Variants in ADCY2 observed in about 807,000 individuals in gnomAD.
ADCY2 encodes the protein adenylate cyclase 2, also known as adenylate cyclase type 2.
In ADCY2, 31 loss-of-function variants were observed where a neutral mutation model predicts 125.2. That is an observed-to-expected ratio of 0.25 (90% CI 0.19 to 0.33). The LOEUF (loss-of-function observed/expected upper bound fraction) is 0.33. Ranked by LOEUF, ADCY2 falls within the 10% of genes least tolerant of loss-of-function variation. The pLI, the probability that ADCY2 is intolerant of heterozygous loss-of-function variation, is 1.00. For synonymous variants in ADCY2, 512 were observed against 548.4 expected, an observed-to-expected ratio of 0.93 and a Z score of 0.93; for missense variants, 904 against 1,418.2, an observed-to-expected ratio of 0.64 and a Z score of 5.82.
chr5:7,658,757 G>A (rs877887), intron 4 of ADCY2, among the ~76,000 whole-genome samples: 20,011 of 152,158 alleles, frequency 0.13, 1,421 homozygotes, highest in South Asian at 0.19. Flanking sequence ...ATAGGGGCTG[G>A]CAATTCCAAA....
chr5:7,826,594 C>A lies in ADCY2; in HGVS notation c.3124-125C>A, dbSNP rs1195580406. 19 of 1,256,250 alleles carry A rather than the reference C, an allele frequency of 1.5e-5. 1 individual carries two copies. The highest frequency in any genetic ancestry group is 2.2e-5 in the Non-Finnish European group (19 of 857,980). The allele number at this position is 1,256,250 out of a possible 1,614,324, so 77.8% of individuals were successfully genotyped here. ...TGGATTACTCTCACTTTTCTACTAACTTCTCAGGAGTGGAATTCCTGGGTC... is the reference window on the plus strand; with the variant it reads ...TGGATTACTCTCACTTTTCTACTAAATTCTCAGGAGTGGAATTCCTGGGTC... On this transcript the variant is annotated intron_variant, in intron 24 of 24. Transcript: ENST00000338316.
At chr5:7,562,072 A>G (rs1390692953) in intron 3 of ADCY2, among the ~76,000 whole-genome samples, 1 of 152,056 alleles carries the variant, frequency 6.6e-6, no homozygotes, top group African/African-American at 2.4e-5. Flanking sequence ...GATTCCATGA[A>G]TGGGTTTATA....
intron 2 of ADCY2, among the ~76,000 whole-genome samples, chr5:7,419,872 T>G (rs1175299729): frequency 6.6e-6 from 1 of 152,106 alleles, no homozygotes; most frequent in Admixed American, 6.5e-5. Flanking sequence ...CTGTTCTGAG[T>G]GCTTCCCTTA....
At chr5:7,729,543 C>T (rs1488509480) in intron 14 of ADCY2, among the ~76,000 whole-genome samples, 1 of 151,046 alleles carries the variant, frequency 6.6e-6, no homozygotes, top group African/African-American at 2.4e-5. Context: ...CCTTGCTTTT[C>T]TTTGGTCCTT....
At chr5:7,699,384 A>C (rs1380265186) in intron 7 of ADCY2, among the ~76,000 whole-genome samples, 1 of 151,834 alleles carries the variant, frequency 6.6e-6, no homozygotes, top group Non-Finnish European at 1.5e-5. Flanking sequence ...GGCGTGAGCC[A>C]CCGCGCCCGG....
intron 22 of ADCY2, among the ~76,000 whole-genome samples, chr5:7,812,558 T>A (rs1411488507): frequency 2.6e-5 from 4 of 152,190 alleles, no homozygotes; most frequent in African/African-American, 7.2e-5. Flanking sequence ...GACCCAGGGA[T>A]GCAGGCTGAA....
intron 3 of ADCY2, among the ~76,000 whole-genome samples, chr5:7,542,396 C>A (rs1430048521): frequency 6.6e-6 from 1 of 152,036 alleles, no homozygotes; most frequent in Non-Finnish European, 1.5e-5. Context: ...GGCCATTGAG[C>A]CATTGCCAGT....
At chr5:7,553,838 C>G (rs1443387768) in intron 3 of ADCY2, among the ~76,000 whole-genome samples, 2 of 152,148 alleles carry the variant, frequency 1.3e-5, no homozygotes, top group African/African-American at 4.8e-5. Flanking sequence ...AGCACCTTAC[C>G]CAGGGTGTTC....
chr5:7,654,549 T>G (rs1739253925), intron 4 of ADCY2, among the ~76,000 whole-genome samples: 1 of 152,150 alleles, frequency 6.6e-6, no homozygotes, highest in African/African-American at 2.4e-5. Context: ...ACAGGAGGGA[T>G]GTAGTGACAT....
intron 14 of ADCY2, among the ~76,000 whole-genome samples, chr5:7,729,914 A>G (rs772468863): frequency 7.9e-5 from 12 of 151,644 alleles, no homozygotes; most frequent in Non-Finnish European, 1.3e-4. Flanking sequence ...CTTTTGGGAT[A>G]GAAGTGGTTT....
intron 3 of ADCY2, among the ~76,000 whole-genome samples, chr5:7,566,789 T>C (rs1405475893): frequency 2.6e-5 from 4 of 152,154 alleles, no homozygotes; most frequent in Admixed American, 6.5e-5. Flanking sequence ...TGTATGGTTG[T>C]CCACATGTTC....
intron 7 of ADCY2, among the ~76,000 whole-genome samples, chr5:7,698,927 G>A (rs1399172343): frequency 6.6e-6 from 1 of 151,886 alleles, no homozygotes; most frequent in Non-Finnish European, 1.5e-5. Flanking sequence ...TGGGTCAAAT[G>A]GTATTTCTAG....
intron 4 of ADCY2, among the ~76,000 whole-genome samples, chr5:7,638,108 G>A (rs1738571239): frequency 6.6e-6 from 1 of 152,176 alleles, no homozygotes; most frequent in Non-Finnish European, 1.5e-5. Flanking sequence ...TCGGGCACCT[G>A]GTGACTGAGC....
In ADCY2 at chr5:7,743,765, A is replaced by T; in HGVS notation, c.1956+13A>T. ...TGGACAGCTTCTGGTAGGTATTCAA[A>T]TGTGGCGCTTCTTTGAAAAGTATGC... On this transcript the variant is annotated intron_variant, in intron 15 of 24. Coordinates refer to ENST00000338316, the MANE Select transcript of ADCY2 (RefSeq NM_020546.3). 2 of 1,611,210 alleles carry T rather than the reference A, an allele frequency of 1.2e-6. No individual in the cohort carries two copies. Among genetic ancestry groups the T allele is most frequent in the East Asian group, 4.5e-5 (2 of 44,858 alleles).
intron 2 of ADCY2, among the ~76,000 whole-genome samples, chr5:7,472,847 G>T (rs1322745049): frequency 1.3e-5 from 2 of 152,110 alleles, no homozygotes; most frequent in Non-Finnish European, 2.9e-5. Context: ...ACTGGTTCCT[G>T]CTCCACTCTC....
At chr5:7,409,199 G>C (rs1579413349) in intron 1 of ADCY2, among the ~76,000 whole-genome samples, 1 of 152,234 alleles carries the variant, frequency 6.6e-6, no homozygotes, top group East Asian at 1.9e-4. Context: ...TGGACACATA[G>C]AGGGGAACAA....
intron 2 of ADCY2, among the ~76,000 whole-genome samples, chr5:7,493,760 C>T (rs1743249720): frequency 6.6e-6 from 1 of 152,122 alleles, no homozygotes; most frequent in Non-Finnish European, 1.5e-5. Flanking sequence ...TCACGGGATA[C>T]AACAACTGCT....
At chr5:7,716,334 G>C (rs1741590624) in intron 11 of ADCY2, among the ~76,000 whole-genome samples, 1 of 152,158 alleles carries the variant, frequency 6.6e-6, no homozygotes, top group South Asian at 2.1e-4. Context: ...CACGAAAAAG[G>C]AATGACTATT....
Position 7,762,894 on chromosome 5 carries a change from A to G in ADCY2, c.2095-3793A>G, listed in dbSNP as rs576458955. On this transcript the variant is annotated intron_variant, in intron 16 of 24. Transcript: ENST00000338316. ...GGAGTGGGGGGCTGTGGGCGCGCAT[A>G]TGCTTTAAGTCACGGGGAAGAACAT... Among the ~76,000 whole-genome samples, 151 of 152,252 alleles carry G rather than the reference A, an allele frequency of 9.9e-4. 2 individuals are homozygous for G. The highest frequency in any genetic ancestry group is 3.5e-3 in the African/African-American group (144 of 41,548).
Sources: gnomAD v4.1 joint callset for allele counts (sites outside exome capture counted in the v4.1 genomes callset) on GRCh38, gnomAD v4.1.1 for gene constraint, MANE v1.5 for transcripts, NCBI Gene and HGNC (gene_info 2026-07-23, HGNC 2026-07-21) for gene names.